The following FOXP1 variants were observed in gnomAD, a reference collection of about 807,000 sequenced individuals.
FOXP1 encodes the protein forkhead box protein P1.
FOXP1 carries 15 observed loss-of-function variants against 98.2 expected under a neutral mutation model. That is an observed-to-expected ratio of 0.15 (90% CI 0.10 to 0.24). The LOEUF (loss-of-function observed/expected upper bound fraction) is 0.24, where lower values mean the gene tolerates loss of function less well. Ranked by LOEUF, FOXP1 falls within the 10% of genes least tolerant of loss-of-function variation. The pLI is 1.00. For missense variants in FOXP1, 633 were observed against 848.5 expected (o/e 0.75, Z 3.15); for synonymous variants, 371 against 314.5 (o/e 1.18, Z -1.90).
At chr3:71,376,597 C>T (rs892302360) in intron 3 of FOXP1, among the ~76,000 whole-genome samples, 4 of 152,192 alleles carry the variant, frequency 2.6e-5, no homozygotes, top group East Asian at 1.9e-4. Context: ...CTCAAAATAG[C>T]GTAAGAAGCC....
intron 2 of FOXP1, chr3:71,542,050 G>T (rs764647172): frequency 1.9e-6 from 1 of 533,076 alleles, no homozygotes; most frequent in East Asian, 5.4e-5. Flanking sequence ...AAAAGCCAGG[G>T]TCTGTATAGA....
chr3:71,083,160 T>A (rs532166288), intron 7 of FOXP1, among the ~76,000 whole-genome samples: 1 of 152,168 alleles, frequency 6.6e-6, no homozygotes, highest in African/African-American at 2.4e-5. Context: ...GGTATTTGGG[T>A]CACAGGGGCA....
intron 12 of FOXP1, among the ~76,000 whole-genome samples, chr3:71,005,509 TGGGGG>T (rs1367410807): frequency 2.6e-5 from 4 of 151,936 alleles, no homozygotes; most frequent in African/African-American, 9.7e-5. Flanking sequence ...ATATATTATT[TGGGGG>T]AAATGTATAT....
chr3:71,233,129 A>G (rs895376869), intron 5 of FOXP1, among the ~76,000 whole-genome samples: 2 of 151,378 alleles, frequency 1.3e-5, no homozygotes, highest in South Asian at 2.1e-4. Flanking sequence ...TAGGCAACAG[A>G]GTGAGACCCT....
At chr3:70,995,472 G>T (rs912434190) in intron 13 of FOXP1, among the ~76,000 whole-genome samples, 1 of 152,024 alleles carries the variant, frequency 6.6e-6, no homozygotes. Flanking sequence ...CATTCCAAAA[G>T]AATCTGTCAA....
intron 2 of FOXP1, among the ~76,000 whole-genome samples, chr3:71,573,277 T>A (rs2047474250): frequency 6.6e-6 from 1 of 152,172 alleles, no homozygotes; most frequent in African/African-American, 2.4e-5. Flanking sequence ...AAGCATACTT[T>A]GTGTGTGATT....
At chr3:71,263,237 C>T (rs892224107) in intron 5 of FOXP1, among the ~76,000 whole-genome samples, 1 of 152,062 alleles carries the variant, frequency 6.6e-6, no homozygotes, top group African/African-American at 2.4e-5. Context: ...TCAGACTTCC[C>T]GTCCTGTGGA....
At chr3:71,572,270 T>G (rs971205291) in intron 2 of FOXP1, 1 of 152,160 alleles carries the variant, frequency 6.6e-6, no homozygotes, top group Non-Finnish European at 1.5e-5. Context: ...CCCTGATAAA[T>G]GGTTGAGGTT....
chr3:71,329,757 T>C (rs1445808892), intron 4 of FOXP1: 1 of 152,206 alleles, frequency 6.6e-6, no homozygotes, highest in Non-Finnish European at 1.5e-5. Flanking sequence ...GGGAAATGTC[T>C]AGGTGTAATT....
intron 7 of FOXP1, among the ~76,000 whole-genome samples, chr3:71,087,569 T>C (rs1033284929): frequency 2.0e-5 from 3 of 152,160 alleles, no homozygotes; most frequent in Non-Finnish European, 4.4e-5. Context: ...GGCTTAAGAG[T>C]GTCTTTCTCA....
intron 2 of FOXP1, among the ~76,000 whole-genome samples, chr3:71,540,938 C>T (rs968240716): frequency 3.3e-5 from 5 of 152,166 alleles, no homozygotes; most frequent in Non-Finnish European, 7.4e-5. Flanking sequence ...GGTAGGAGAA[C>T]ATTAACAAAA....
At chr3:71,262,260 G>A (rs1431335326) in intron 5 of FOXP1, among the ~76,000 whole-genome samples, 1 of 54,188 alleles carries the variant, frequency 1.8e-5, no homozygotes, top group Non-Finnish European at 3.1e-5. Flanking sequence ...ACAAGACTCT[G>A]TCACAAAAAA....
At chr3:71,424,757 C>T (rs1420812582) in intron 3 of FOXP1, among the ~76,000 whole-genome samples, 3 of 152,236 alleles carry the variant, frequency 2.0e-5, no homozygotes, top group Non-Finnish European at 4.4e-5. Context: ...CATCCAGCAA[C>T]TGCTGCCTAT....
At chr3:71,454,704 A>C (rs1336008751) in intron 3 of FOXP1, among the ~76,000 whole-genome samples, 1 of 152,050 alleles carries the variant, frequency 6.6e-6, no homozygotes, top group Non-Finnish European at 1.5e-5. Flanking sequence ...CTTGATGGGG[A>C]GATGGTAGCG....
chr3:71,231,075 G>A (rs1019371159), intron 5 of FOXP1, among the ~76,000 whole-genome samples: 3 of 152,138 alleles, frequency 2.0e-5, no homozygotes, highest in African/African-American at 7.2e-5. Flanking sequence ...TTTTTGTTAA[G>A]TAACAGATCA....
At chr3:71,509,280 C>G (rs2042031962) in intron 2 of FOXP1, among the ~76,000 whole-genome samples, 1 of 152,154 alleles carries the variant, frequency 6.6e-6, no homozygotes, top group South Asian at 2.1e-4. Flanking sequence ...GCTCATGACT[C>G]TAGAAGCTGA....
intron 7 of FOXP1, among the ~76,000 whole-genome samples, chr3:71,060,080 A>C (rs2051263080): frequency 6.6e-6 from 1 of 152,154 alleles, no homozygotes; most frequent in Non-Finnish European, 1.5e-5. Flanking sequence ...CTCATGATTT[A>C]ATCAGCATAG....
At chr3:71,133,041 C>CTT (rs2059649294) in intron 6 of FOXP1, among the ~76,000 whole-genome samples, 1 of 150,866 alleles carries the variant, frequency 6.6e-6, no homozygotes, top group African/African-American at 2.4e-5. Context: ...CATCTCCCAA[C>CTT]TAAATATTCC....
chr3:71,264,114 T>C (rs770641967), intron 5 of FOXP1, among the ~76,000 whole-genome samples: 45 of 152,168 alleles, frequency 3.0e-4, no homozygotes, highest in Non-Finnish European at 3.4e-4. Context: ...AATTTAATAC[T>C]TACATACAAC....
Sources: allele counts gnomAD v4.1 joint callset (sites outside exome capture counted in the v4.1 genomes callset), GRCh38; gene constraint gnomAD v4.1.1; transcripts MANE v1.5; gene names NCBI Gene and HGNC (gene_info 2026-07-23, HGNC 2026-07-21).